Variants in OIP5 observed in about 807,000 individuals in gnomAD.
OIP5 encodes protein Mis18-beta.
A neutral mutation model predicts 20.3 loss-of-function variants in OIP5; 24 were observed. The ratio of observed to expected loss-of-function variants is 1.18; its 90% CI spans 0.86 to 1.66. OIP5 has a LOEUF of 1.66. OIP5 is among the 40% of genes most tolerant of loss of function. OIP5 has a pLI of 0.00. For missense variants in OIP5, 339 were observed against 289.5 expected (o/e 1.17, Z -1.24); for synonymous variants, 143 against 121.3 (o/e 1.18, Z -1.17).
chr15:41,332,417 G>T lies in OIP5; in HGVS notation c.145C>A (p.Pro49Thr). 2 of 1,614,008 alleles carry T rather than the reference G, an allele frequency of 1.2e-6. No homozygotes were observed. The highest frequency in any genetic ancestry group is 1.7e-6 in the Non-Finnish European group (2 of 1,179,916). Residue 49 changes from proline (P) to threonine (T), a missense_variant, in exon 1 of 5, where the codon CCG becomes ACG. Transcript: ENST00000220514. ...GCCCCCAGCCCTGCGGGGCCGAGCG[G>T]CGAGGACCCCTTCACCACCTGCGTA... is the stretch of plus-strand genomic sequence containing the variant. The part of the protein sequence containing the change: ...WDTQVVKGSS[P>T]LGPAGLGAEE...
chr15:41,332,102 C>A lies in OIP5; in HGVS notation c.323-121G>T, dbSNP rs1341091900. The A allele has an allele frequency of 7.5e-6, 10 of 1,335,624 alleles. No homozygotes were observed. In the East Asian group the frequency reaches 2.3e-4, roughly 31 times the overall value. The allele number at this position is 1,335,624 out of a possible 1,614,324, so 82.7% of individuals were successfully genotyped here. ...GAGACTCCCCGATTCCCTGCCCCATCCCCAGGCCAAGGAGTTATTTGCTTC... is the reference window on the plus strand; with the variant it reads ...GAGACTCCCCGATTCCCTGCCCCATACCCAGGCCAAGGAGTTATTTGCTTC... On this transcript the variant is annotated intron_variant, in intron 1 of 4. Coordinates refer to ENST00000220514, the MANE Select transcript of OIP5 (RefSeq NM_007280.2).
intron 2 of OIP5, among the ~76,000 whole-genome samples, chr15:41,322,987 G>A (rs1330727911): frequency 2.0e-5 from 3 of 151,826 alleles, no homozygotes; most frequent in Non-Finnish European, 4.4e-5. Context: ...CATGTCAGTG[G>A]ATACTAAAAA....
chr15:41,330,319 G>A (rs1020869888), intron 2 of OIP5, among the ~76,000 whole-genome samples: 4 of 151,284 alleles, frequency 2.6e-5, no homozygotes, highest in South Asian at 2.1e-4. Flanking sequence ...GGCTGGTCTC[G>A]AACTCCCGAC....
At chr15:41,332,213 C>T (rs2140471967) in intron 1 of OIP5, 27 bp downstream of exon 1, 1 of 1,527,528 alleles carries the variant, frequency 6.5e-7, no homozygotes, top group Non-Finnish European at 8.8e-7. Context: ...TAGCCTCTGC[C>T]TTTCCCGAAC....
intron 2 of OIP5, among the ~76,000 whole-genome samples, chr15:41,331,414 CCT>C (rs1028866180): frequency 1.6e-4 from 25 of 152,180 alleles, no homozygotes; most frequent in African/African-American, 6.0e-4. Context: ...CATACTAAGG[CCT>C]CTACAAAAAA....
chr15:41,331,477 C>T (rs1177139115), intron 2 of OIP5, among the ~76,000 whole-genome samples: 3 of 152,050 alleles, frequency 2.0e-5, no homozygotes, highest in Non-Finnish European at 4.4e-5. Context: ...CCAGCTACTC[C>T]GGAGGGTGAG....
chr15:41,330,350 T>C (rs2047890272), intron 2 of OIP5, among the ~76,000 whole-genome samples: 2 of 151,860 alleles, frequency 1.3e-5, no homozygotes, highest in Non-Finnish European at 2.9e-5. Context: ...CTGCCTGTCA[T>C]GGCCTCCCAA....
intron 3 of OIP5, among the ~76,000 whole-genome samples, chr15:41,316,044 C>T (rs374205668): frequency 6.6e-6 from 1 of 151,888 alleles, no homozygotes; most frequent in Non-Finnish European, 1.5e-5. Context: ...AGGACAATGG[C>T]GTGAACCTGG....
In OIP5 at chr15:41,319,715, T is replaced by C. The variant is rs367621399; in HGVS notation, c.455A>G (p.His152Arg). The C allele has an allele frequency of 1.2e-6, 2 of 1,613,866 alleles. No individual in the cohort carries two copies. Among genetic ancestry groups the C allele is most frequent in the Non-Finnish European group, 1.7e-6 (2 of 1,179,844 alleles). Residue 152 changes from histidine to arginine, a missense_variant, in exon 3 of 5, where the codon CAT becomes CGT. Coordinates refer to ENST00000220514, the MANE Select transcript of OIP5 (RefSeq NM_007280.2). ...IPVGFHLYSTHAALAALRGHF... is the reference protein window; with the variant it reads ...IPVGFHLYSTRAALAALRGHF... ...ACCTCTCAAGGCAGCCAGGGCAGCA[T>C]GGGTAGAATACAGATGGAAACCAAC...
chr15:41,319,742 G>A lies in OIP5; in HGVS notation c.428C>T (p.Pro143Leu), dbSNP rs1351238689. 1.9e-6 allele frequency: 3 copies of A among 1,613,556 alleles called. No individual in the cohort carries two copies. Among genetic ancestry groups the A allele is most frequent in the Non-Finnish European group, 1.7e-6 (2 of 1,179,666 alleles). Residue 143 changes from proline to leucine, a missense_variant, in exon 3 of 5, where the codon CCC becomes CTC. Pro to Leu is a moderately conservative substitution (Grantham distance 98, BLOSUM62 -3). Coordinates refer to ENST00000220514, the MANE Select transcript of OIP5 (RefSeq NM_007280.2). ...NLLFCGSCGIPVGFHLYSTHA... is the reference protein window; with the variant it reads ...NLLFCGSCGILVGFHLYSTHA... Reference sequence around the variant, plus strand: ...GGTAGAATACAGATGGAAACCAACGGGAATCCCACAAGAACCACAGAATAA... The same window carrying A: ...GGTAGAATACAGATGGAAACCAACGAGAATCCCACAAGAACCACAGAATAA...
chr15:41,311,098 G>A (rs2047750989), intron 4 of OIP5, among the ~76,000 whole-genome samples: 1 of 152,116 alleles, frequency 6.6e-6, no homozygotes, highest in South Asian at 2.1e-4. Context: ...CTTGAACCTG[G>A]CACTCACACC....
Position 41,309,832 on chromosome 15 carries a change from C to A in OIP5, c.612G>T (p.Val204=), listed in dbSNP as rs1445522666. The A allele has an allele frequency of 6.2e-7, 1 of 1,612,424 alleles. No homozygotes were observed. Among genetic ancestry groups the A allele is most frequent in the African/African-American group, 1.3e-5 (1 of 74,912 alleles). ...EKIAELKEKI[V]LTHNRLKSLM... ...GTGATTTTAAGCGATTGTGCGTTAG[C>A]ACTATCTTCTCTTTCAGCTAGGAAG... The change falls in exon 5 of 5, where the codon GTG becomes GTT. Residue 204 remains valine, a synonymous_variant. Transcript: ENST00000220514.
intron 3 of OIP5, among the ~76,000 whole-genome samples, chr15:41,314,076 G>A (rs1476920707): frequency 6.6e-6 from 1 of 152,140 alleles, no homozygotes; most frequent in Non-Finnish European, 1.5e-5. Context: ...GAGACATAGT[G>A]TTGGTCACCT....
intron 2 of OIP5, among the ~76,000 whole-genome samples, chr15:41,326,838 G>C (rs1280747844): frequency 2.6e-5 from 4 of 151,976 alleles, no homozygotes; most frequent in Non-Finnish European, 5.9e-5. Context: ...TAGCTTGCTG[G>C]GCCTTCCATC....
intron 3 of OIP5, among the ~76,000 whole-genome samples, chr15:41,316,812 A>T (rs1248016289): frequency 6.8e-6 from 1 of 146,494 alleles, no homozygotes. Context: ...AAAAAAAAAG[A>T]CATGAGAAAA....
intron 3 of OIP5, among the ~76,000 whole-genome samples, chr15:41,315,099 CAAAA>C (rs761038863): frequency 3.5e-5 from 2 of 57,676 alleles, no homozygotes; most frequent in Non-Finnish European, 3.6e-5. Flanking sequence ...GACCCTGTCT[CAAAA>C]AAAAAAAAAA....
chr15:41,326,984 C>A (rs950433821), intron 2 of OIP5, among the ~76,000 whole-genome samples: 2 of 150,808 alleles, frequency 1.3e-5, no homozygotes, highest in Admixed American at 6.6e-5. Flanking sequence ...TTGGTTATAA[C>A]AGTCTGTGAA....
Position 41,309,712 on chromosome 15 carries a change from A to G in OIP5, c.*42T>C. ...CTAAGCAGCACCTGTTGTTGAAGAC[A>G]GCAATAAAGCCTGAACCTGACACTC... On this transcript the variant is annotated 3_prime_UTR_variant, in exon 5 of 5. Transcript: ENST00000220514. The G allele has an allele frequency of 7.7e-7, 1 of 1,301,736 alleles. No homozygotes were observed. Among genetic ancestry groups the G allele is most frequent in the Non-Finnish European group, 1.1e-6 (1 of 907,982 alleles). 80.6% of individuals were successfully genotyped at this position (1,301,736 alleles called of 1,614,324 possible).
At chr15:41,326,187 G>A (rs551489044) in intron 2 of OIP5, among the ~76,000 whole-genome samples, 112 of 152,178 alleles carry the variant, frequency 7.4e-4, no homozygotes, top group South Asian at 1.9e-3. Context: ...CAAAAAAGCA[G>A]TATCTGCAAG....
Sources: gnomAD v4.1 joint callset for allele counts (sites outside exome capture counted in the v4.1 genomes callset) on GRCh38, gnomAD v4.1.1 for gene constraint, MANE v1.5 for transcripts, NCBI Gene and HGNC (gene_info 2026-07-23, HGNC 2026-07-21) for gene names.